The following TCF4 variants were observed in gnomAD, a reference collection of about 807,000 sequenced individuals.
TCF4 encodes transcription factor 4, also known as SL3-3 enhancer factor 2.
A neutral mutation model predicts 82.1 loss-of-function variants in TCF4; 3 were observed. The ratio of observed to expected loss-of-function variants is 0.04; its 90% CI spans 0.02 to 0.09. The LOEUF is 0.09. Ranked by LOEUF, TCF4 falls within the 10% of genes least tolerant of loss-of-function variation. The probability of loss-of-function intolerance (pLI) is 1.00; values close to 1 mark genes in which losing one functional copy is unlikely to be tolerated. For synonymous variants in TCF4, 276 were observed against 309.6 expected (o/e 0.89, Z 1.14); for missense variants, 518 against 852.7 (o/e 0.61, Z 4.89).
At chr18:55,551,055 T>C (rs1420399591) in intron 3 of TCF4, 1 of 152,524 alleles carries the variant, frequency 6.6e-6, no homozygotes, top group African/African-American at 2.4e-5. Flanking sequence ...GCAATTCTCC[T>C]GCCTCAGCCT....
At chr18:55,230,880 T>C (rs750585193) in intron 17 of TCF4, 2 of 152,134 alleles carry the variant, frequency 1.3e-5, no homozygotes, top group Non-Finnish European at 2.9e-5. Context: ...ATAAAGATAA[T>C]GCACGTAAGT....
rs71169310 is a variant in TCF4 at position 55,633,894 on chromosome 18, A to AAACAAC, written c.195+1803_195+1808dup. ...ACCAAACCAAAACAAAAAAGGCACA[A>AAACAAC]AACAACAACAACAACAACAACAACA... On this transcript the variant is annotated intron_variant, in intron 1 of 20. Transcript: ENST00000398339. The surrounding 1 kb of genome is among the most constrained non-coding windows in gnomAD (Gnocchi z 4.0). 1.4e-4 allele frequency among the ~76,000 whole-genome samples: 21 copies of AAACAAC among 150,684 alleles called. No individual in the cohort carries two copies. Among genetic ancestry groups the AAACAAC allele is most frequent in the African/African-American group, 2.9e-4 (12 of 41,088 alleles).
intron 5 of TCF4, among the ~76,000 whole-genome samples, chr18:55,441,479 T>A (rs941186505): frequency 1.3e-5 from 2 of 152,238 alleles, no homozygotes; most frequent in African/African-American, 4.8e-5. Context: ...ATTATGTCCA[T>A]GTTCTGGCAG....
chr18:55,254,662 A>G lies in TCF4; in HGVS notation c.1185T>C (p.Asp395=), dbSNP rs1341306301. ...CATGGTTCCGGAGAACATGAATAGC[A>G]TCATCCAGTCTTTCTAAACGATCTT... The part of the protein sequence containing the change: ...RIEDRLERLD[D]AIHVLRNHAV... Residue 395 remains aspartate, a synonymous_variant, in exon 15 of 20, where the codon GAT becomes GAC. Coordinates refer to ENST00000354452, the MANE Select transcript of TCF4 (RefSeq NM_001083962.2). 36 of 1,613,080 alleles carry G rather than the reference A, an allele frequency of 2.2e-5. No homozygotes were observed. Among genetic ancestry groups the G allele is most frequent in the South Asian group, 3.3e-5 (3 of 90,964 alleles).
At chr18:55,604,211 C>G (rs1047334988) in intron 2 of TCF4, among the ~76,000 whole-genome samples, 30 of 151,196 alleles carry the variant, frequency 2.0e-4, no homozygotes, top group African/African-American at 7.3e-4. Flanking sequence ...AACTCTGCCA[C>G]TTCATCAGTT....
intron 8 of TCF4, among the ~76,000 whole-genome samples, chr18:55,316,944 AT>A (rs1207679149): frequency 6.6e-6 from 1 of 151,944 alleles, no homozygotes; most frequent in Non-Finnish European, 1.5e-5. Context: ...ACTGATCCAT[AT>A]TTTTTCCCTG....
rs1300174342 is a variant in TCF4 at position 55,226,024 on chromosome 18, T to TTA, written c.*2010_*2011insTA. The TTA allele has an allele frequency of 6.6e-6, 1 of 151,248 alleles. No individual in the cohort carries two copies. Among genetic ancestry groups the TTA allele is most frequent in the African/African-American group, 2.4e-5 (1 of 41,074 alleles). 9.4% of individuals were successfully genotyped at this position (151,248 alleles called of 1,614,324 possible). ...AGACTTCTTTTTAAACCACAGTTTT[T>TTA]AAAAAAAAACAAAAACTGATACAAT... On this transcript the variant is annotated 3_prime_UTR_variant, in exon 20 of 20. Coordinates refer to ENST00000354452, the MANE Select transcript of TCF4 (RefSeq NM_001083962.2).
intron 11 of TCF4, chr18:55,265,329 C>T (rs1287612114): frequency 6.6e-6 from 1 of 152,158 alleles, no homozygotes; most frequent in East Asian, 1.9e-4. Flanking sequence ...TTAGAAACAG[C>T]ATAACAATGC....
chr18:55,588,113 C>T lies in TCF4; in HGVS notation c.-96G>A, dbSNP rs2147902825. 9.7e-7 allele frequency: 1 copy of T among 1,033,606 alleles called. No homozygotes were observed. The allele number at this position is 1,033,606 out of a possible 1,614,324, so 64.0% of individuals were successfully genotyped here. On this transcript the variant is annotated 5_prime_UTR_variant, in exon 1 of 20. Coordinates refer to ENST00000354452, the MANE Select transcript of TCF4 (RefSeq NM_001083962.2). ...GTTCATGTCTAACCGCCGCCGCCAC[C>T]GCCGCCGCCTGCTCCTGCGCCCGCT...
At chr18:55,474,483 A>G (rs755340049) in intron 3 of TCF4, among the ~76,000 whole-genome samples, 5 of 152,168 alleles carry the variant, frequency 3.3e-5, no homozygotes, top group African/African-American at 9.7e-5. Context: ...TTCAATTCCA[A>G]TTTTGAGGGT....
intron 17 of TCF4, chr18:55,230,148 C>CAAAAAAAAA (rs398041379): frequency 1.9e-5 from 2 of 103,286 alleles, no homozygotes; most frequent in Non-Finnish European, 1.8e-5. Context: ...CTGTCTCTTA[C>CAAAAAAAAA]AAAAAAAAAA....
intron 3 of TCF4, among the ~76,000 whole-genome samples, chr18:55,480,749 T>A: frequency 6.6e-6 from 1 of 152,332 alleles, no homozygotes; most frequent in Non-Finnish European, 1.5e-5. Flanking sequence ...AACCCTAGTA[T>A]CACAGTGGTG....
intron 6 of TCF4, among the ~76,000 whole-genome samples, chr18:55,379,770 G>A (rs114565756): frequency 0.01 from 1,553 of 152,184 alleles, 25 homozygotes; most frequent in Middle Eastern, 0.037. Flanking sequence ...AACAAAATAC[G>A]AAAGACTGGG....
At chr18:55,537,743 AG>A (rs1402868618) in intron 3 of TCF4, among the ~76,000 whole-genome samples, 1 of 152,162 alleles carries the variant, frequency 6.6e-6, no homozygotes, top group Non-Finnish European at 1.5e-5. Flanking sequence ...GAATTAAAAA[AG>A]GTTCTCATAT....
At chr18:55,511,247 G>C (rs999383377) in intron 3 of TCF4, among the ~76,000 whole-genome samples, 4 of 148,174 alleles carry the variant, frequency 2.7e-5, no homozygotes, top group Non-Finnish European at 5.9e-5. Flanking sequence ...CGGAAGCAAT[G>C]AAGGGCAGAA....
At chr18:55,265,730 G>A (rs1475458826) in intron 11 of TCF4, 1 of 152,088 alleles carries the variant, frequency 6.6e-6, no homozygotes, top group Admixed American at 6.6e-5. Flanking sequence ...AAAGAGAAAA[G>A]GACATAATGT....
intron 3 of TCF4, among the ~76,000 whole-genome samples, chr18:55,526,036 G>C (rs1388288178): frequency 6.6e-6 from 1 of 152,120 alleles, no homozygotes; most frequent in Non-Finnish European, 1.5e-5. Flanking sequence ...TTGACATCAG[G>C]CATCAGGTAG....
intron 3 of TCF4, among the ~76,000 whole-genome samples, chr18:55,520,671 C>T (rs910783302): frequency 5.3e-5 from 8 of 152,068 alleles, no homozygotes; most frequent in East Asian, 1.9e-4. Flanking sequence ...CCGGAACACA[C>T]GGCTTTATTT....
chr18:55,255,493 T>G (rs1358156784), intron 14 of TCF4, among the ~76,000 whole-genome samples: 1 of 152,192 alleles, frequency 6.6e-6, no homozygotes, highest in African/African-American at 2.4e-5. Context: ...GCCATTAGGA[T>G]TCTAGTTTTT....
Sources: gnomAD v4.1 joint callset for allele counts (sites outside exome capture counted in the v4.1 genomes callset) on GRCh38, gnomAD v4.1.1 for gene constraint, Gnocchi (gnomAD v3.1) non-coding constraint, MANE v1.5 for transcripts, NCBI Gene and HGNC (gene_info 2026-07-23, HGNC 2026-07-21) for gene names.